Variants in ABHD4 observed in about 807,000 individuals in gnomAD.
The protein encoded by ABHD4 is abhydrolase domain containing 4, N-acyl phospholipase B.
Under a neutral mutation model 42.3 loss-of-function variants are expected in ABHD4, and 35 were observed. That is an observed-to-expected ratio of 0.83 (90% CI 0.63 to 1.10). ABHD4 has a LOEUF of 1.10. ABHD4 is among the 50% of genes least tolerant of loss of function. The pLI is 0.00. For synonymous variants in ABHD4, 169 were observed against 170.6 expected (o/e 0.99, Z 0.07); for missense variants, 389 against 454.8 (o/e 0.86, Z 1.32).
intron 2 of ABHD4, among the ~76,000 whole-genome samples, chr14:22,602,590 T>C (rs2139264236): frequency 6.6e-6 from 1 of 152,310 alleles, no homozygotes; most frequent in Non-Finnish European, 1.5e-5. Context: ...ACCACAGTTC[T>C]GTCCATCCAT....
At chr14:22,609,034 G>C (rs1333668530) in intron 5 of ABHD4, among the ~76,000 whole-genome samples, 2 of 148,424 alleles carry the variant, frequency 1.3e-5, no homozygotes, top group Non-Finnish European at 3.0e-5. Flanking sequence ...GTCTCGCTCT[G>C]TCACCCAGGC....
chr14:22,603,508 T>C lies in ABHD4; in HGVS notation c.231T>C (p.Phe77=). 1 of 1,614,156 alleles carries C rather than the reference T, an allele frequency of 6.2e-7. No homozygotes were observed. The highest frequency in any genetic ancestry group is 1.7e-5 in the Admixed American group (1 of 60,020). ...CCCCCTTGGTGATGGTGCATGGTTT[T>C]GGGGGCGGCGTGGGTCTCTGGATCC... ...DRTPLVMVHG[F]GGGVGLWILN... Residue 77 remains phenylalanine (F), a synonymous_variant, in exon 3 of 7, where the codon TTT becomes TTC. Coordinates refer to ENST00000428304, the MANE Select transcript of ABHD4 (RefSeq NM_022060.3).
intron 6 of ABHD4, 80 bp downstream of exon 6, chr14:22,609,990 A>G: frequency 7.2e-7 from 1 of 1,387,390 alleles, no homozygotes; most frequent in Non-Finnish European, 9.9e-7. Context: ...AAGGGTGATC[A>G]AGGAGAAAGA....
At chr14:22,607,710 C>G (rs1056875588) in intron 5 of ABHD4, among the ~76,000 whole-genome samples, 6 of 152,248 alleles carry the variant, frequency 3.9e-5, no homozygotes, top group Non-Finnish European at 7.3e-5. Flanking sequence ...TGAGGCCCCA[C>G]AGGCCCAGCC....
chr14:22,602,922 T>C (rs753504079), intron 2 of ABHD4, among the ~76,000 whole-genome samples: 4 of 152,020 alleles, frequency 2.6e-5, no homozygotes, highest in Non-Finnish European at 5.9e-5. Context: ...AGCAGCATGG[T>C]GAGGGGGGTC....
intron 1 of ABHD4, 57 bp from the exon 2 acceptor site, chr14:22,601,610 G>C (rs1290598470): frequency 6.7e-7 from 1 of 1,502,272 alleles, no homozygotes; most frequent in Non-Finnish European, 9.3e-7. Flanking sequence ...GCAAGGCTAA[G>C]AGCATCAATG....
In ABHD4 at chr14:22,611,099, G is replaced by A. The variant is rs959431005; in HGVS notation, c.*151G>A. 7.2e-6 allele frequency: 5 copies of A among 693,914 alleles called. No homozygotes were observed. In the African/African-American group the frequency reaches 8.8e-5, roughly 12 times the overall value. 43.0% of individuals were successfully genotyped at this position (693,914 alleles called of 1,614,324 possible). ...TCCCAGAACAGGACGACAGTGAAAA[G>A]AACACTCTTGACCCTACACTGAAGG... On this transcript the variant is annotated 3_prime_UTR_variant, in exon 7 of 7. Transcript: ENST00000428304.
At chr14:22,606,689 C>T (rs772754936) in intron 5 of ABHD4, among the ~76,000 whole-genome samples, 156 bp downstream of exon 5, 1 of 152,072 alleles carries the variant, frequency 6.6e-6, no homozygotes, top group African/African-American at 2.4e-5. Flanking sequence ...CCAGAGAGTT[C>T]CCCAGGGACA....
intron 2 of ABHD4, 92 bp downstream of exon 2, chr14:22,601,847 T>C: frequency 8.8e-7 from 1 of 1,136,226 alleles, no homozygotes; most frequent in South Asian, 1.3e-5. Flanking sequence ...AGCCCACTGA[T>C]TCCTAATTAA....
In ABHD4 at chr14:22,606,456, C is replaced by G. The variant is rs547276711; in HGVS notation, c.675C>G (p.Phe225Leu). 4.0e-5 allele frequency: 65 copies of G among 1,613,396 alleles called. No individual in the cohort carries two copies. The highest frequency in any genetic ancestry group is 5.4e-5 in the Non-Finnish European group (64 of 1,179,858). ...PGLVQRFRPD[F>L]KRKFADFFED... The stretch of plus-strand genomic sequence containing the variant: ...TGGTGCAGCGATTCCGGCCGGACTT[C>G]AAACGCAAGTTTGCAGACTTCTTTG... Residue 225 changes from phenylalanine to leucine, a missense_variant, in exon 5 of 7, where the codon TTC becomes TTG. Physicochemically the swap from Phe to Leu is conservative, Grantham distance 22. Around this residue, in one of 3 missense-constraint regions of ABHD4, gnomAD observed 249 missense variants for 254.4 expected, o/e 0.98. Coordinates refer to ENST00000428304, the MANE Select transcript of ABHD4 (RefSeq NM_022060.3).
In ABHD4 at chr14:22,609,876, A is replaced by G. The variant is rs1315757371; in HGVS notation, c.905A>G (p.Lys302Arg). ...GATACCAGTACGGGAAAAAAGGTGA[A>G]GATGCAGCGGCCGGATTCCTATGTC... ...WIDTSTGKKV[K>R]MQRPDSYVRD... The change falls in exon 6 of 7, where the codon AAG becomes AGG. Residue 302 changes from lysine (K) to arginine (R), a missense_variant. Lys to Arg is a conservative substitution (Grantham distance 26, BLOSUM62 2). This residue lies in a region of ABHD4 where 249 missense variants were observed against 254.4 expected (regional missense o/e 0.98). Transcript: ENST00000428304. 1.2e-6 allele frequency: 2 copies of G among 1,614,104 alleles called. No individual in the cohort carries two copies. The highest frequency in any genetic ancestry group is 1.7e-6 in the Non-Finnish European group (2 of 1,180,022).
rs758828257 is a variant in ABHD4, at chr14:22,603,372, G to A, written c.113-18G>A. 6.2e-7 allele frequency: 1 copy of A among 1,613,922 alleles called. No individual in the cohort carries two copies. Among genetic ancestry groups the A allele is most frequent in the South Asian group, 1.1e-5 (1 of 90,978 alleles). ...AGGAAACACTTATTGACTTACCATGGGATTCTTTCCTCCCCAGGTCTCCAG... is the reference window on the plus strand; with the variant it reads ...AGGAAACACTTATTGACTTACCATGAGATTCTTTCCTCCCCAGGTCTCCAG... On this transcript the variant is annotated intron_variant, in intron 2 of 6. Transcript: ENST00000428304.
chr14:22,607,118 T>G (rs2037358400), intron 5 of ABHD4, among the ~76,000 whole-genome samples: 2 of 152,226 alleles, frequency 1.3e-5, no homozygotes, highest in African/African-American at 4.8e-5. Flanking sequence ...ATTTTAAAAT[T>G]TAATTATGTG....
At chr14:22,605,369 T>C (rs116859007) in intron 4 of ABHD4, among the ~76,000 whole-genome samples, 115 of 152,284 alleles carry the variant, frequency 7.6e-4, no homozygotes, top group South Asian at 2.1e-3. Flanking sequence ...AGCCAATTAT[T>C]ATGAGTTAAT....
chr14:22,603,309 G>A, intron 2 of ABHD4, 81 bp from the exon 3 acceptor site: 1 of 1,554,952 alleles, frequency 6.4e-7, no homozygotes, highest in Non-Finnish European at 8.8e-7. Flanking sequence ...TGGAGAGAAT[G>A]TGAAGAGTGG....
At chr14:22,605,695 G>C in intron 4 of ABHD4, 1 of 561,676 alleles carries the variant, frequency 1.8e-6, no homozygotes. Flanking sequence ...AGCCATGAGG[G>C]ACTATGCAGG....
At chr14:22,602,253 G>A (rs929731212) in intron 2 of ABHD4, among the ~76,000 whole-genome samples, 51 of 152,166 alleles carry the variant, frequency 3.4e-4, no homozygotes, top group East Asian at 7.7e-4. Flanking sequence ...AGCTGTCATC[G>A]GCACTGTTAC....
chr14:22,604,099 T>G lies in ABHD4; in HGVS notation c.640+20T>G. ...CCTGGGGTGAGTAGCCTGTAGTATC[T>G]CCTTAAAGGAAGGCTATAACGTTCT... On this transcript the variant is annotated intron_variant, in intron 4 of 6. Transcript: ENST00000428304. 1 of 1,612,886 alleles carries G rather than the reference T, an allele frequency of 6.2e-7. No individual in the cohort carries two copies. Among genetic ancestry groups the G allele is most frequent in the Non-Finnish European group, 8.5e-7 (1 of 1,179,088 alleles).
intron 3 of ABHD4, 22 bp from the exon 4 acceptor site, chr14:22,603,903 C>T (rs1320450255): frequency 1.9e-6 from 3 of 1,612,768 alleles, no homozygotes; most frequent in Admixed American, 1.7e-5. Flanking sequence ...TGTGTCTTCT[C>T]CTCTTTCCGC....
Sources: gnomAD v4.1 joint callset for allele counts (sites outside exome capture counted in the v4.1 genomes callset) on GRCh38, gnomAD v4.1.1 for gene constraint, gnomAD v4.1.1 regional missense constraint, MANE v1.5 for transcripts, NCBI Gene and HGNC (gene_info 2026-07-23, HGNC 2026-07-21) for gene names.